Variants in SNED1 observed in about 807,000 individuals in gnomAD.
SNED1 encodes the protein sushi, nidogen and EGF like domains 1.
In SNED1, 81 loss-of-function variants were observed where a neutral mutation model predicts 166.7. That is an observed-to-expected ratio of 0.49 (90% CI 0.41 to 0.58). SNED1 has a LOEUF of 0.58. Among genes scored for constraint, SNED1 ranks in the 20% least tolerant of loss-of-function variants. SNED1 has a pLI of 0.00. For synonymous variants in SNED1, 762 were observed against 822.0 expected, an observed-to-expected ratio of 0.93 and a Z score of 1.25; for missense variants, 1,604 against 2,000.2, an observed-to-expected ratio of 0.80 and a Z score of 3.78.
chr2:241,058,232 A>G (rs886237359), intron 16 of SNED1, among the ~76,000 whole-genome samples: 1 of 152,228 alleles, frequency 6.6e-6, no homozygotes, highest in Non-Finnish European at 1.5e-5. Context: ...TCCGTTCACG[A>G]AGAAGATACA....
At chr2:241,063,322 G>A (rs969610415) in intron 17 of SNED1, 8 of 531,716 alleles carry the variant, frequency 1.5e-5, no homozygotes, top group East Asian at 1.0e-4. Context: ...GTGCCCAGTC[G>A]TGGCCCTGGG....
At position 241,052,163 on chromosome 2, in the gene SNED1, G is replaced by A. The variant is rs780191927; in HGVS notation, c.1969+6G>A. 11 of 1,610,558 alleles carry A rather than the reference G, an allele frequency of 6.8e-6. No homozygotes were observed. In the African/African-American group the frequency reaches 1.3e-4, roughly 20 times the overall value. On this transcript the variant is annotated splice_donor_region_variant and intron_variant, in intron 14 of 31. Transcript: ENST00000310397. ...CGGGCGGCACTGCGAGATAGGTAAGGTGGGTGGGAGGCCAGGCCAGGGCGG... is the reference window on the plus strand; with the variant it reads ...CGGGCGGCACTGCGAGATAGGTAAGATGGGTGGGAGGCCAGGCCAGGGCGG...
intron 16 of SNED1, among the ~76,000 whole-genome samples, chr2:241,058,245 TA>T (rs1396227466): frequency 2.0e-5 from 3 of 152,150 alleles, no homozygotes; most frequent in Non-Finnish European, 4.4e-5. Context: ...AAGATACAAT[TA>T]TTATAAATAT....
At chr2:241,045,206 CGTA>C (rs1559258341) in intron 8 of SNED1, among the ~76,000 whole-genome samples, 2 of 152,150 alleles carry the variant, frequency 1.3e-5, no homozygotes, top group African/African-American at 4.8e-5. Context: ...GAAGACTCAA[CGTA>C]GTAAATATGG....
chr2:241,075,541 T>C lies in SNED1; in HGVS notation c.3916+2177T>C, dbSNP rs1263356518. ...GAAATGCCTGATCACGCCTTTTGAC[T>C]TTATGTTGGGTTATTTGTACTCTTT... On this transcript the variant is annotated intron_variant, in intron 27 of 31. Transcript: ENST00000310397. The surrounding 1 kb of genome is among the most constrained non-coding windows in gnomAD (Gnocchi z 4.8). 1 of 152,176 alleles carries C rather than the reference T, an allele frequency of 6.6e-6. No homozygotes were observed. Among genetic ancestry groups the C allele is most frequent in the East Asian group, 1.9e-4 (1 of 5,194 alleles). The allele number at this position is 152,176 out of a possible 1,614,324, so 9.4% of individuals were successfully genotyped here.
chr2:241,081,956 G>A (rs1305246870), intron 28 of SNED1, among the ~76,000 whole-genome samples, 163 bp downstream of exon 28: 52 of 152,198 alleles, frequency 3.4e-4, no homozygotes, highest in Admixed American at 2.6e-3. Flanking sequence ...CAGGGGCTGC[G>A]CTGCTGCCCC....
intron 21 of SNED1, among the ~76,000 whole-genome samples, chr2:241,066,910 G>C (rs1307312894): frequency 6.6e-6 from 1 of 152,208 alleles, no homozygotes; most frequent in African/African-American, 2.4e-5. Flanking sequence ...CCACCAAGGG[G>C]CTGGAGTTCC....
In SNED1 at chr2:241,053,271, C is replaced by T. The variant is rs202190615; in HGVS notation, c.2202C>T (p.Ser734=). 2.2e-5 allele frequency: 36 copies of T among 1,603,274 alleles called. No individual in the cohort carries two copies. The Admixed American group carries it at 5.0e-4, about 22-fold the overall frequency. ...CDRGYSLSAP[S]RIRVCQPHGV... ...GTGGCTACAGCCTGAGCGCCCCCAGCCGCATCCGGGTCTGCCAGCCACACG... is the reference window on the plus strand; with the variant it reads ...GTGGCTACAGCCTGAGCGCCCCCAGTCGCATCCGGGTCTGCCAGCCACACG... Residue 734 remains serine, a synonymous_variant, in exon 16 of 32, where the codon AGC becomes AGT. Transcript: ENST00000310397.
chr2:241,069,846 G>A lies in SNED1; in HGVS notation c.3308-74G>A, dbSNP rs912730153. On this transcript the variant is annotated intron_variant, in intron 23 of 31. Transcript: ENST00000310397. This position sits in a 1 kb window ranked among gnomAD's most constrained non-coding sequence, Gnocchi z 4.9. The stretch of plus-strand genomic sequence containing the variant: ...AGCAAGGCTGCGGCAGCCCATGTCC[G>A]GTTCTCAAACCGTGTTCTTGCCAGA... 31 of 1,531,122 alleles carry A rather than the reference G, an allele frequency of 2.0e-5. No homozygotes were observed. Among genetic ancestry groups the A allele is most frequent in the Admixed American group, 3.6e-5 (2 of 55,276 alleles). 94.8% of individuals were successfully genotyped at this position (1,531,122 alleles called of 1,614,324 possible). A position where few individuals can be genotyped will look rare whatever the true frequency, so the allele number is the denominator to read the frequency against.
intron 8 of SNED1, among the ~76,000 whole-genome samples, chr2:241,042,650 GA>G (rs5839781): frequency 0.029 from 4,400 of 152,082 alleles, 125 homozygotes; most frequent in East Asian, 0.1. Flanking sequence ...TTGTTGAGGG[GA>G]AAAAAACCTA....
At chr2:241,067,991 G>A in intron 22 of SNED1, 44 bp downstream of exon 22, 1 of 1,563,652 alleles carries the variant, frequency 6.4e-7, no homozygotes, top group East Asian at 2.3e-5. Context: ...TGAAGGCAGG[G>A]GTGGGGGCTC....
Position 241,051,822 on chromosome 2 carries a change from G to A in SNED1, c.1814G>A (p.Ser605Asn), listed in dbSNP as rs866154383. 1.3e-6 allele frequency: 2 copies of A among 1,562,634 alleles called. No homozygotes were observed. The highest frequency in any genetic ancestry group is 1.2e-5 in the South Asian group (1 of 84,494). Residue 605 changes from serine to asparagine, a missense_variant, in exon 13 of 32, where the codon AGC becomes AAC. Around this residue, in one of 2 missense-constraint regions of SNED1, gnomAD observed 1,237 missense variants for 1,620.8 expected, o/e 0.76. Coordinates refer to ENST00000310397, the MANE Select transcript of SNED1 (RefSeq NM_001080437.3). This position sits in a 1 kb window ranked among gnomAD's most constrained non-coding sequence, Gnocchi z 4.7. ...CKEAGGEYHC[S>N]CPYRFTGRHC... ...GAGGCGGGCGGCGAGTACCACTGCA[G>A]CTGCCCCTACCGCTTCACTGGGAGG...
chr2:241,082,226 A>C, intron 28 of SNED1, 51 bp from the exon 29 acceptor site: 1 of 1,461,278 alleles, frequency 6.8e-7, no homozygotes, highest in Non-Finnish European at 9.6e-7. Flanking sequence ...CAAGAGGGGC[A>C]GGAGGAGCCG....
At chr2:241,059,252 A>G (rs1279491893) in intron 16 of SNED1, among the ~76,000 whole-genome samples, 1 of 152,214 alleles carries the variant, frequency 6.6e-6, no homozygotes, top group African/African-American at 2.4e-5. Context: ...TGTAATTAAA[A>G]ACCTTCCTCA....
chr2:241,070,096 C>T lies in SNED1; in HGVS notation c.3484C>T (p.Arg1162Cys), dbSNP rs753463843. The change falls in exon 24 of 32, where the codon CGC (arginine) becomes TGC (cysteine). Residue 1162 changes from arginine (R) to cysteine (C), a missense_variant. Physicochemically the swap from Arg to Cys is radical, Grantham distance 180. Transcript: ENST00000310397. ...PNGKLASYTV[R>C]DLLPGRRYQL... ...CGGGAAGCTGGCGTCCTACACGGTGCGCGACCTGCTGCCGGGACGGCGGTA... is the reference window on the plus strand; with the variant it reads ...CGGGAAGCTGGCGTCCTACACGGTGTGCGACCTGCTGCCGGGACGGCGGTA... 6.8e-6 allele frequency: 11 copies of T among 1,613,004 alleles called. No individual in the cohort carries two copies. Among genetic ancestry groups the T allele is most frequent in the South Asian group, 1.1e-5 (1 of 91,078 alleles).
At position 241,037,292 on chromosome 2, in the gene SNED1, C is replaced by A; in HGVS notation, c.984C>A (p.His328Gln). ...GTCAGAATGGTGGGACCTGTACTCACGGCATCAACAGTTTCCGCTGCCAGT... is the reference window on the plus strand; with the variant it reads ...GTCAGAATGGTGGGACCTGTACTCAAGGCATCAACAGTTTCCGCTGCCAGT... Reference protein sequence around the residue: ...QPCQNGGTCTHGINSFRCQCP... With the variant: ...QPCQNGGTCTQGINSFRCQCP... The change falls in exon 6 of 32, where the codon CAC becomes CAA. Residue 328 changes from histidine to glutamine, a missense_variant. His to Gln is a conservative substitution (Grantham distance 24). This residue lies in a region of SNED1 where 1,237 missense variants were observed against 1,620.8 expected (regional missense o/e 0.76). Coordinates refer to ENST00000310397, the MANE Select transcript of SNED1 (RefSeq NM_001080437.3). 1 of 1,611,478 alleles carries A rather than the reference C, an allele frequency of 6.2e-7. No individual in the cohort carries two copies. The highest frequency in any genetic ancestry group is 8.5e-7 in the Non-Finnish European group (1 of 1,179,202).
chr2:241,052,674 C>T (rs2061894506), intron 15 of SNED1, among the ~76,000 whole-genome samples: 1 of 58,208 alleles, frequency 1.7e-5, no homozygotes, highest in Admixed American at 2.1e-4. Flanking sequence ...CGGTGCCAGG[C>T]AGGTGAGAGG....
rs2062605383 is a variant in SNED1 at position 241,069,463 on chromosome 2, G to A, written c.3307+440G>A. Among the ~76,000 whole-genome samples the A allele has an allele frequency of 1.3e-5, 2 of 152,154 alleles. No homozygotes were observed. The highest frequency in any genetic ancestry group is 1.3e-4 in the Admixed American group (2 of 15,276). On this transcript the variant is annotated intron_variant, in intron 23 of 31. Coordinates refer to ENST00000310397, the MANE Select transcript of SNED1 (RefSeq NM_001080437.3). The surrounding 1 kb of genome is among the most constrained non-coding windows in gnomAD (Gnocchi z 4.9). ...CATGGACAGTCAGCGCGCAGGGGAG[G>A]GACAGGTGAACTGGGCAGAGGGGAG...
At chr2:241,048,965 C>T in intron 10 of SNED1, 57 bp from the exon 11 acceptor site, 1 of 1,470,016 alleles carries the variant, frequency 6.8e-7, no homozygotes, top group Non-Finnish European at 9.3e-7. Context: ...GACAAGGACT[C>T]GAGGTCTGCT....
Sources: gnomAD v4.1 joint callset for allele counts (sites outside exome capture counted in the v4.1 genomes callset) on GRCh38, gnomAD v4.1.1 for gene constraint, gnomAD v4.1.1 regional missense constraint, Gnocchi (gnomAD v3.1) non-coding constraint, MANE v1.5 for transcripts, NCBI Gene and HGNC (gene_info 2026-07-23, HGNC 2026-07-21) for gene names.